The following CELF1 variants were observed in gnomAD, a reference collection of about 807,000 sequenced individuals.
The protein encoded by CELF1 is 50 kDa nuclear polyadenylated RNA-binding protein.
CELF1 carries 10 observed loss-of-function variants against 61.8 expected under a neutral mutation model. That is an observed-to-expected ratio of 0.16 (90% CI 0.10 to 0.27). The LOEUF is 0.27. CELF1 is among the 10% of genes least tolerant of loss of function. The pLI is 1.00. For synonymous variants in CELF1, 236 were observed against 225.1 expected (o/e 1.05, Z -0.43); for missense variants, 380 against 639.1 (o/e 0.59, Z 4.37).
intron 9 of CELF1, among the ~76,000 whole-genome samples, chr11:47,481,541 A>T (rs550861049): frequency 1.8e-4 from 28 of 152,330 alleles, no homozygotes; most frequent in Non-Finnish European, 3.7e-4. Context: ...CATACAGAAT[A>T]ATACTTGAAA....
chr11:47,492,010 C>T (rs1408893806), intron 3 of CELF1, among the ~76,000 whole-genome samples: 4 of 152,210 alleles, frequency 2.6e-5, no homozygotes, highest in African/African-American at 7.2e-5. Flanking sequence ...CATGGTCTCG[C>T]TCTGTTGCCC....
chr11:47,488,426 A>G (rs1248122533), intron 4 of CELF1, among the ~76,000 whole-genome samples: 1 of 152,222 alleles, frequency 6.6e-6, no homozygotes, highest in African/African-American at 2.4e-5. Flanking sequence ...TTTCTCCTTC[A>G]GCTTATGCTA....
upstream of CELF1, chr11:47,565,515 C>T (rs1425919407): frequency 2.0e-6 from 2 of 1,003,434 alleles, no homozygotes; most frequent in African/African-American, 3.4e-5. Context: ...TGCGAGCCCG[C>T]GAGAGGCCTA....
intron 1 of CELF1, among the ~76,000 whole-genome samples, chr11:47,524,356 G>A (rs2153666634): frequency 6.6e-6 from 1 of 151,940 alleles, no homozygotes; most frequent in South Asian, 2.1e-4. Flanking sequence ...GGAACCCAAA[G>A]ACCATTTCTG....
At chr11:47,482,924 T>C (rs1446341465) in intron 8 of CELF1, 68 bp from the exon 9 acceptor site, 1 of 1,404,346 alleles carries the variant, frequency 7.1e-7, no homozygotes, top group Non-Finnish European at 9.8e-7. Context: ...ATCTTCCTTT[T>C]GGATGACATG....
At position 47,500,847 on chromosome 11, in the gene CELF1, T is replaced by C. The variant is rs1333502975; in HGVS notation, c.-82+14A>G. 5.0e-6 allele frequency: 2 copies of C among 398,404 alleles called. No homozygotes were observed. Among genetic ancestry groups the C allele is most frequent in the Non-Finnish European group, 4.4e-6 (1 of 226,048 alleles). 24.7% of individuals were successfully genotyped at this position (398,404 alleles called of 1,614,324 possible). On this transcript the variant is annotated intron_variant, in intron 2 of 14. Transcript: ENST00000687097. Reference sequence around the variant, plus strand: ...CAGGCTTTCTTTCCATTTTTATCATTAGAGTTGCCTTACCTCAAAGATTTC... The same window carrying C: ...CAGGCTTTCTTTCCATTTTTATCATCAGAGTTGCCTTACCTCAAAGATTTC...
At chr11:47,496,219 C>T (rs967088735) in intron 3 of CELF1, among the ~76,000 whole-genome samples, 7 of 152,158 alleles carry the variant, frequency 4.6e-5, no homozygotes, top group Non-Finnish European at 8.8e-5. Context: ...GTGTTAGGTA[C>T]TAGAAAAAGC....
At chr11:47,499,740 G>T in intron 2 of CELF1, 136 bp from the exon 3 acceptor site, 1 of 560,806 alleles carries the variant, frequency 1.8e-6, no homozygotes, top group Non-Finnish European at 3.2e-6. Context: ...ACCATGTGAA[G>T]GGAGGCTCAG....
intron 1 of CELF1, among the ~76,000 whole-genome samples, chr11:47,547,230 T>C (rs543492620): frequency 2.6e-5 from 4 of 152,292 alleles, no homozygotes; most frequent in East Asian, 1.9e-4. Flanking sequence ...TTCAAGAAGT[T>C]TGAATATGTC....
chr11:47,534,022 C>CTTTTTTTTTTTTT (rs71042679), intron 1 of CELF1, among the ~76,000 whole-genome samples: 2 of 87,578 alleles, frequency 2.3e-5, no homozygotes, highest in African/African-American at 4.3e-5. Context: ...TTTTTCTTTC[C>CTTTTTTTTTTTTT]TTTTTTTTTT....
At chr11:47,527,563 TA>T (rs905807736) in intron 1 of CELF1, among the ~76,000 whole-genome samples, 2 of 150,046 alleles carry the variant, frequency 1.3e-5, no homozygotes, top group African/African-American at 2.4e-5. Flanking sequence ...CTACAAAACT[TA>T]AAAAAAAAAT....
chr11:47,545,863 GTGTC>G (rs1555191570), intron 1 of CELF1, among the ~76,000 whole-genome samples: 1 of 73,942 alleles, frequency 1.4e-5, no homozygotes, highest in Non-Finnish European at 3.2e-5. Flanking sequence ...GTGTGTGTGT[GTGTC>G]TGCGTGTGTG....
Position 47,476,855 on chromosome 11 carries a change from A to G in CELF1, c.1078T>C (p.Ser360Pro), listed in dbSNP as rs2080451529. The G allele has an allele frequency of 6.2e-7, 1 of 1,613,828 alleles. No homozygotes were observed. The highest frequency in any genetic ancestry group is 1.7e-5 in the Admixed American group (1 of 60,030). ...AGATAGLNVG[S>P]LAGMAALNGG... ...AGGTGCTGCCCCTTACCTGCCAAAG[A>G]GCCAACATTGAGGCCAGCCGTTGCT... Residue 360 changes from serine (S) to proline (P), a missense_variant, in exon 12 of 15, where the codon TCT becomes CCT. Coordinates refer to ENST00000687097, the MANE Select transcript of CELF1 (RefSeq NM_001376376.1).
chr11:47,542,282 C>A (rs1395690400), intron 1 of CELF1, among the ~76,000 whole-genome samples: 3 of 152,042 alleles, frequency 2.0e-5, no homozygotes, highest in African/African-American at 7.2e-5. Context: ...GCAGAAGAAT[C>A]GCTTCAACCC....
chr11:47,533,809 C>CAAAAAAAAAAAAAAAAAAAAAAAAAA lies in CELF1; in HGVS notation c.-154+19182_-154+19183insTTTTTTTTTTTTTTTTTTTTTTTTTT, dbSNP rs58856403. 2.3e-5 allele frequency among the ~76,000 whole-genome samples: 2 copies of CAAAAAAAAAAAAAAAAAAAAAAAAAA among 85,336 alleles called. 1 individual carries two copies. The highest frequency in any genetic ancestry group is 4.3e-5 in the Non-Finnish European group (2 of 46,602). 56.0% of individuals were successfully genotyped at this position (85,336 alleles called of 152,430 possible). On this transcript the variant is annotated intron_variant, in intron 1 of 14. Transcript: ENST00000687097. ...TGGGCAATAGAGCGAGACTCTCCCC[C>CAAAAAAAAAAAAAAAAAAAAAAAAAA]AAAAAAAAAAAAAAAAAAAAAAGGA...
chr11:47,532,733 T>A (rs2096520661), intron 1 of CELF1, among the ~76,000 whole-genome samples: 1 of 152,194 alleles, frequency 6.6e-6, no homozygotes. Context: ...CTCTGAAGTT[T>A]CTAGCATTTT....
In CELF1 at chr11:47,468,038, A is replaced by C. The variant is rs2076959300; in HGVS notation, c.*4192T>G. On this transcript the variant is annotated 3_prime_UTR_variant, in exon 15 of 15. Coordinates refer to ENST00000687097, the MANE Select transcript of CELF1 (RefSeq NM_001376376.1). The stretch of plus-strand genomic sequence containing the variant: ...ACTTTTTTCTGGGCATAATCTTAGT[A>C]GGAAAGGAAAAAATTCAAAACAAAA... 6.6e-6 allele frequency: 1 copy of C among 152,228 alleles called. No homozygotes were observed. Among genetic ancestry groups the C allele is most frequent in the Non-Finnish European group, 1.5e-5 (1 of 68,048 alleles). The allele number at this position is 152,228 out of a possible 1,614,324, so 9.4% of individuals were successfully genotyped here.
intron 2 of CELF1, among the ~76,000 whole-genome samples, chr11:47,563,172 C>T (rs933161423): frequency 6.6e-6 from 1 of 151,548 alleles, no homozygotes; most frequent in African/African-American, 2.4e-5. Flanking sequence ...GTCATGATCA[C>T]GCTGCCACTG....
At chr11:47,552,013 T>TA (rs78697230) in intron 1 of CELF1, among the ~76,000 whole-genome samples, 2,433 of 127,144 alleles carry the variant, frequency 0.019, 28 homozygotes, top group Middle Eastern at 0.04. Context: ...AACTCCGTCT[T>TA]AAAAAAAAAA....
Sources: gnomAD v4.1 joint callset for allele counts (sites outside exome capture counted in the v4.1 genomes callset) on GRCh38, gnomAD v4.1.1 for gene constraint, MANE v1.5 for transcripts, NCBI Gene and HGNC (gene_info 2026-07-23, HGNC 2026-07-21) for gene names.